Variants in LDLRAD4 observed in about 807,000 individuals in gnomAD.
The protein encoded by LDLRAD4 is low-density lipoprotein receptor class A domain-containing protein 4.
LDLRAD4 carries 5 observed loss-of-function variants against 17.0 expected under a neutral mutation model. The observed-to-expected ratio is 0.29, with a 90% CI of 0.15 to 0.62. The LOEUF (loss-of-function observed/expected upper bound fraction) is 0.62, where lower values mean the gene tolerates loss of function less well. Ranked by LOEUF, LDLRAD4 falls within the 20% of genes least tolerant of loss-of-function variation. The pLI, the probability that LDLRAD4 is intolerant of heterozygous loss-of-function variation, is 0.84. For synonymous variants in LDLRAD4, 168 were observed against 171.8 expected, an observed-to-expected ratio of 0.98 and a Z score of 0.17; for missense variants, 340 against 424.7, an observed-to-expected ratio of 0.80 and a Z score of 1.75.
chr18:13,594,590 C>G (rs956643365), intron 3 of LDLRAD4, among the ~76,000 whole-genome samples: 2 of 135,954 alleles, frequency 1.5e-5, no homozygotes, highest in Non-Finnish European at 3.1e-5. Context: ...CGCTTGAACC[C>G]GGAAGGTGGA....
At position 13,440,703 on chromosome 18, in the gene LDLRAD4, C is replaced by G. The variant is rs1229122199; in HGVS notation, c.181+2319C>G. ...GGCACACTTCCTGCCGTGTAAGCAT[C>G]TAAAGGAAAGAACGTCCATGGGAAA... On this transcript the variant is annotated intron_variant, in intron 3 of 5. Transcript: ENST00000359446. The surrounding 1 kb of genome is among the most constrained non-coding windows in gnomAD (Gnocchi z 4.4). 1.3e-5 allele frequency among the ~76,000 whole-genome samples: 2 copies of G among 152,134 alleles called. No individual in the cohort carries two copies. The highest frequency in any genetic ancestry group is 2.9e-5 in the Non-Finnish European group (2 of 68,024).
chr18:13,534,896 C>T (rs970008096), intron 3 of LDLRAD4, among the ~76,000 whole-genome samples: 7 of 152,242 alleles, frequency 4.6e-5, no homozygotes, highest in African/African-American at 1.7e-4. Flanking sequence ...ACTTTTTTCT[C>T]TTCTGGAATA....
intron 1 of LDLRAD4, among the ~76,000 whole-genome samples, chr18:13,306,812 C>CA (rs890810950): frequency 3.2e-4 from 48 of 151,234 alleles, no homozygotes; most frequent in Middle Eastern, 3.4e-3. Flanking sequence ...GTGGCTATGG[C>CA]AAAAAAAATA....
intron 3 of LDLRAD4, among the ~76,000 whole-genome samples, chr18:13,483,420 G>A (rs2146979524): frequency 6.6e-6 from 1 of 152,264 alleles, no homozygotes; most frequent in South Asian, 2.1e-4. Context: ...TGCTGCCCCT[G>A]CCTGGACAGA....
chr18:13,417,833 T>G (rs1034260509), intron 2 of LDLRAD4, among the ~76,000 whole-genome samples: 1 of 152,162 alleles, frequency 6.6e-6, no homozygotes, highest in African/African-American at 2.4e-5. Flanking sequence ...GGTAAATGTG[T>G]GTGTGTGTTG....
At chr18:13,283,293 A>C (rs138245063) in intron 1 of LDLRAD4, among the ~76,000 whole-genome samples, 2 of 152,160 alleles carry the variant, frequency 1.3e-5, no homozygotes, top group African/African-American at 4.8e-5. Context: ...TTTCTTTTCT[A>C]TTGCATAGTC....
At chr18:13,259,685 ATCCC>A (rs890520518) in intron 1 of LDLRAD4, among the ~76,000 whole-genome samples, 87 of 151,736 alleles carry the variant, frequency 5.7e-4, no homozygotes, top group African/African-American at 1.6e-3. Flanking sequence ...CCTATAATCC[ATCCC>A]TCCCTCCCTC....
At chr18:13,257,493 C>T (rs1449417347) in intron 1 of LDLRAD4, among the ~76,000 whole-genome samples, 2 of 152,196 alleles carry the variant, frequency 1.3e-5, no homozygotes, top group African/African-American at 4.8e-5. Context: ...ATGGGTTTCC[C>T]TGACCCACTG....
chr18:13,336,496 T>A (rs1190174815), intron 1 of LDLRAD4, among the ~76,000 whole-genome samples: 2 of 152,210 alleles, frequency 1.3e-5, no homozygotes, highest in Non-Finnish European at 2.9e-5. Context: ...CTGTTGACTC[T>A]CATTTGTCAT....
intron 3 of LDLRAD4, among the ~76,000 whole-genome samples, chr18:13,578,605 A>C (rs980914130): frequency 6.6e-6 from 1 of 152,200 alleles, no homozygotes; most frequent in South Asian, 2.1e-4. Context: ...ACCTGGGAGA[A>C]GTGACAGTGG....
upstream of LDLRAD4, chr18:13,217,949 A>G (rs1227116872): frequency 6.8e-6 from 1 of 147,834 alleles, no homozygotes; most frequent in Non-Finnish European, 1.5e-5. The surrounding 1 kb of genome is among the most constrained non-coding windows in gnomAD (Gnocchi z 4.9). Context: ...GCTCTTAAAG[A>G]ACCCCGGCGC....
chr18:13,502,067 C>T (rs16940658), intron 3 of LDLRAD4, among the ~76,000 whole-genome samples: 7,525 of 152,282 alleles, frequency 0.049, 290 homozygotes, highest in Non-Finnish European at 0.069. Context: ...TGCAAATTCG[C>T]GGAAGGCTTT....
chr18:13,578,282 T>C (rs1330406170), intron 3 of LDLRAD4, among the ~76,000 whole-genome samples: 1 of 152,238 alleles, frequency 6.6e-6, no homozygotes, highest in Non-Finnish European at 1.5e-5. Flanking sequence ...GTCTGATGAA[T>C]TACCACCTTA....
At chr18:13,346,279 T>A (rs2082682117) in intron 1 of LDLRAD4, among the ~76,000 whole-genome samples, 1 of 152,252 alleles carries the variant, frequency 6.6e-6, no homozygotes, top group Non-Finnish European at 1.5e-5. Context: ...GTATGTTGTG[T>A]CTTTGTTCTC....
intron 1 of LDLRAD4, among the ~76,000 whole-genome samples, chr18:13,229,137 C>T (rs1395692011): frequency 2.0e-5 from 3 of 152,340 alleles, no homozygotes; most frequent in Middle Eastern, 3.4e-3. Flanking sequence ...CAGGCTGCAG[C>T]GCCAGCCTGT....
chr18:13,560,121 C>CT (rs1568339919), intron 3 of LDLRAD4, among the ~76,000 whole-genome samples: 2 of 152,128 alleles, frequency 1.3e-5, no homozygotes, highest in African/African-American at 2.4e-5. Flanking sequence ...TTATTTTTTT[C>CT]TTTTTTTGAT....
chr18:13,412,792 G>A (rs369592212), intron 2 of LDLRAD4, among the ~76,000 whole-genome samples: 2 of 152,166 alleles, frequency 1.3e-5, no homozygotes, highest in African/African-American at 2.4e-5. Flanking sequence ...GCCAGTAGGC[G>A]CTCCGTAAGT....
chr18:13,508,425 G>A (rs1016164959), intron 3 of LDLRAD4, among the ~76,000 whole-genome samples: 6 of 152,226 alleles, frequency 3.9e-5, no homozygotes, highest in Admixed American at 6.5e-5. Flanking sequence ...GAGATGCCAT[G>A]TAGGGTTTTC....
At chr18:13,506,244 A>C (rs1224122621) in intron 3 of LDLRAD4, among the ~76,000 whole-genome samples, 1 of 151,338 alleles carries the variant, frequency 6.6e-6, no homozygotes, top group Non-Finnish European at 1.5e-5. Flanking sequence ...ATTATACTTT[A>C]AGTTCTAGGG....
Sources: allele counts gnomAD v4.1 joint callset (sites outside exome capture counted in the v4.1 genomes callset), GRCh38; gene constraint gnomAD v4.1.1; non-coding constraint Gnocchi (gnomAD v3.1); transcripts MANE v1.5; gene names NCBI Gene and HGNC (gene_info 2026-07-23, HGNC 2026-07-21).